The following TSPAN14 variants were observed in gnomAD, a reference collection of about 807,000 sequenced individuals.
The protein encoded by TSPAN14 is tetraspanin-14.
Under a neutral mutation model 36.6 loss-of-function variants are expected in TSPAN14, and 16 were observed. The observed-to-expected ratio is 0.44, with a 90% CI of 0.30 to 0.66. The LOEUF (loss-of-function observed/expected upper bound fraction) is 0.66. Among genes scored for constraint, TSPAN14 ranks in the 30% least tolerant of loss-of-function variants. The pLI, the probability that TSPAN14 is intolerant of heterozygous loss-of-function variation, is 0.12. For synonymous variants in TSPAN14, 139 were observed against 143.8 expected (o/e 0.97, Z 0.24); for missense variants, 231 against 355.1 (o/e 0.65, Z 2.81).
chr10:80,478,042 C>G (rs377403206), intron 1 of TSPAN14, among the ~76,000 whole-genome samples: 1 of 151,914 alleles, frequency 6.6e-6, no homozygotes, highest in South Asian at 2.1e-4. Flanking sequence ...CTTAGTCATG[C>G]GGACTGCCAG....
exon 6 of TSPAN14, chr10:80,512,223 G>C: frequency 6.2e-7 from 1 of 1,614,188 alleles, no homozygotes; most frequent in Non-Finnish European, 8.5e-7. Flanking sequence ...AGCTACAGCC[G>C]AGAGAAGTGC....
At chr10:80,513,732 T>C (rs1239409571) in intron 6 of TSPAN14, among the ~76,000 whole-genome samples, 2 of 152,270 alleles carry the variant, frequency 1.3e-5, no homozygotes, top group South Asian at 2.1e-4. Context: ...TAAAGTTTTC[T>C]TGAAATACAG....
chr10:80,512,267 G>A, exon 6 of TSPAN14: 5 of 1,613,722 alleles, frequency 3.1e-6, no homozygotes, highest in Non-Finnish European at 4.2e-6. Context: ...GCCAGATCCT[G>A]CGGTGAGTTG....
intron 1 of TSPAN14, among the ~76,000 whole-genome samples, chr10:80,473,855 G>A (rs1846704593): frequency 6.6e-6 from 1 of 152,026 alleles, no homozygotes; most frequent in African/African-American, 2.4e-5. Context: ...TGGCTCTAAG[G>A]GGTGAGTCAG....
intron 1 of TSPAN14, among the ~76,000 whole-genome samples, chr10:80,476,972 C>T (rs1166341430): frequency 6.6e-6 from 1 of 152,176 alleles, no homozygotes; most frequent in East Asian, 1.9e-4. Context: ...CTTCTAGGCT[C>T]ATTCAGGTTT....
chr10:80,480,186 C>A (rs11203098), intron 1 of TSPAN14, among the ~76,000 whole-genome samples: 44,558 of 146,302 alleles, frequency 0.3, 7,508 homozygotes, highest in African/African-American at 0.46. Flanking sequence ...GCTTAAGGAG[C>A]TTTTGGGCTG....
intron 5 of TSPAN14, among the ~76,000 whole-genome samples, chr10:80,511,095 C>T (rs957890080): frequency 6.6e-6 from 1 of 152,172 alleles, no homozygotes; most frequent in African/African-American, 2.4e-5. Context: ...TTGCCATAAC[C>T]ATGTCAGCTG....
intron 1 of TSPAN14, among the ~76,000 whole-genome samples, chr10:80,470,399 C>T (rs1846479758): frequency 6.6e-6 from 1 of 152,214 alleles, no homozygotes; most frequent in Non-Finnish European, 1.5e-5. Context: ...ACTTTTGATC[C>T]TGGTTGCTTG....
intron 1 of TSPAN14, among the ~76,000 whole-genome samples, chr10:80,481,577 A>G (rs1847277039): frequency 6.6e-6 from 1 of 152,188 alleles, no homozygotes; most frequent in Non-Finnish European, 1.5e-5. Context: ...GGTGGCTTGC[A>G]GGGAGAGGGA....
chr10:80,516,176 C>G (rs761910146), intron 7 of TSPAN14, 28 bp from the exon 8 acceptor site: 3 of 1,614,180 alleles, frequency 1.9e-6, no homozygotes, highest in Non-Finnish European at 2.5e-6. Context: ...GTGCCAAAGG[C>G]TCAGACCCCT....
At chr10:80,478,980 C>T (rs1184562734) in intron 1 of TSPAN14, among the ~76,000 whole-genome samples, 1 of 152,074 alleles carries the variant, frequency 6.6e-6, no homozygotes, top group Admixed American at 6.6e-5. Context: ...TAATGATTGC[C>T]ATTCTAACTG....
At position 80,511,718 on chromosome 10, in the gene TSPAN14, C is replaced by CTCTCTT. The variant is rs1167418045; in HGVS notation, c.451-421_451-420insTTCTCT. Among the ~76,000 whole-genome samples the CTCTCTT allele has an allele frequency of 1.9e-4, 5 of 26,126 alleles. No individual in the cohort carries two copies. In the East Asian group the frequency reaches 3.6e-3, roughly 19 times the overall value. 17.1% of individuals were successfully genotyped at this position (26,126 alleles called of 152,430 possible). On this transcript the variant is annotated intron_variant, in intron 5 of 8. Transcript: ENST00000429989. ...CACATCAAAAGGGCAGGTCCTCTCTCTCTCTCTCTCTCTCTCTCTCTCTCT... is the reference window on the plus strand; with the variant it reads ...CACATCAAAAGGGCAGGTCCTCTCTCTCTCTTTCTCTCTCTCTCTCTCTCTCTCTCT...
At position 80,456,570 on chromosome 10, in the gene TSPAN14, G is replaced by A. The variant is rs565171195; in HGVS notation, c.-18+2199G>A. Among the ~76,000 whole-genome samples, 4 of 152,314 alleles carry A rather than the reference G, an allele frequency of 2.6e-5. No homozygotes were observed. The South Asian group carries it at 8.3e-4, about 32-fold the overall frequency. On this transcript the variant is annotated intron_variant, in intron 1 of 8. Transcript: ENST00000429989. The stretch of plus-strand genomic sequence containing the variant: ...TCACTCTATGCCACCATGTGCTCAG[G>A]AATTTGACCCATTTAACTTCAACTG...
chr10:80,480,109 T>C (rs1847167055), intron 1 of TSPAN14, among the ~76,000 whole-genome samples: 1 of 151,350 alleles, frequency 6.6e-6, no homozygotes, highest in African/African-American at 2.4e-5. Context: ...GTTATTGGCG[T>C]CTAAGAATGC....
At chr10:80,465,866 A>G (rs1452284932) in intron 1 of TSPAN14, among the ~76,000 whole-genome samples, 4 of 152,186 alleles carry the variant, frequency 2.6e-5, no homozygotes, top group Non-Finnish European at 5.9e-5. Context: ...GCTTCTTCAC[A>G]TCTGAATCTC....
rs549442381 is a variant in TSPAN14, at chr10:80,477,458, T to TA, written c.-17-11753dup. On this transcript the variant is annotated intron_variant, in intron 1 of 8. Transcript: ENST00000429989. ...CCCCCACATAAGATAAAGGGAGTTGTAAAAAAGAAATCAATGCATGAGGAC... is the reference window on the plus strand; with the variant it reads ...CCCCCACATAAGATAAAGGGAGTTGTAAAAAAAGAAATCAATGCATGAGGAC... Among the ~76,000 whole-genome samples, 536 of 152,242 alleles carry TA rather than the reference T, an allele frequency of 3.5e-3. 2 individuals carry two copies. Among genetic ancestry groups the TA allele is most frequent in the African/African-American group, 0.012 (512 of 41,528 alleles).
At chr10:80,479,854 A>G (rs1211624596) in intron 1 of TSPAN14, among the ~76,000 whole-genome samples, 2 of 150,236 alleles carry the variant, frequency 1.3e-5, no homozygotes, top group Non-Finnish European at 2.9e-5. Flanking sequence ...CTTGATGGGG[A>G]TGGCATTGAA....
chr10:80,487,817 C>G (rs1289087175), intron 1 of TSPAN14, among the ~76,000 whole-genome samples: 2 of 152,136 alleles, frequency 1.3e-5, no homozygotes, highest in East Asian at 3.9e-4. Flanking sequence ...TGAGGTCAGA[C>G]AGAAGGAGGG....
intron 1 of TSPAN14, among the ~76,000 whole-genome samples, chr10:80,471,785 A>T (rs552715683): frequency 6.6e-6 from 1 of 152,212 alleles, no homozygotes; most frequent in Admixed American, 6.5e-5. Flanking sequence ...GGTGAGTGGC[A>T]GGTGTGGGTG....
Sources: allele counts gnomAD v4.1 joint callset (sites outside exome capture counted in the v4.1 genomes callset), GRCh38; gene constraint gnomAD v4.1.1; transcripts MANE v1.5; gene names NCBI Gene and HGNC (gene_info 2026-07-23, HGNC 2026-07-21).